The following MACROD2 variants were observed in gnomAD, a reference collection of about 807,000 sequenced individuals.
MACROD2 encodes the protein ADP-ribose glycohydrolase MACROD2.
MACROD2 carries 36 observed loss-of-function variants against 70.4 expected under a neutral mutation model. That is an observed-to-expected ratio of 0.51 (90% CI 0.39 to 0.68). MACROD2 has a LOEUF of 0.68. Among genes scored for constraint, MACROD2 ranks in the 30% least tolerant of loss-of-function variants. The probability of loss-of-function intolerance (pLI) is 0.00; values close to 1 mark genes in which losing one functional copy is unlikely to be tolerated. For missense variants in MACROD2, 496 were observed against 538.4 expected (o/e 0.92, Z 0.78); for synonymous variants, 172 against 178.8 (o/e 0.96, Z 0.30).
intron 8 of MACROD2, among the ~76,000 whole-genome samples, chr20:15,699,886 C>T (rs1352189017): frequency 3.3e-5 from 5 of 152,118 alleles, no homozygotes; most frequent in Non-Finnish European, 7.4e-5. Flanking sequence ...TGGTGCCAGG[C>T]AGGAATGGGC....
chr20:15,747,820 T>C (rs548906943), intron 8 of MACROD2, among the ~76,000 whole-genome samples: 1 of 152,148 alleles, frequency 6.6e-6, no homozygotes, highest in Non-Finnish European at 1.5e-5. Flanking sequence ...TAACTAGTAC[T>C]TCTAGTACAG....
At chr20:15,576,085 A>G in intron 8 of MACROD2, among the ~76,000 whole-genome samples, 1 of 152,098 alleles carries the variant, frequency 6.6e-6, no homozygotes, top group Non-Finnish European at 1.5e-5. Flanking sequence ...AATATTTTAA[A>G]CCTTTCAATT....
chr20:15,950,234 T>A (rs1189266272), intron 12 of MACROD2, among the ~76,000 whole-genome samples: 1 of 152,232 alleles, frequency 6.6e-6, no homozygotes, highest in Non-Finnish European at 1.5e-5. Flanking sequence ...TATTTGAATT[T>A]AAAAATAAAT....
At chr20:15,785,413 C>T (rs986245618) in intron 8 of MACROD2, among the ~76,000 whole-genome samples, 2 of 152,124 alleles carry the variant, frequency 1.3e-5, no homozygotes, top group Admixed American at 6.5e-5. Context: ...TCCCTCTCCC[C>T]CAACAACAAG....
intron 3 of MACROD2, among the ~76,000 whole-genome samples, chr20:14,089,883 A>T (rs1392925806): frequency 1.3e-5 from 2 of 152,214 alleles, no homozygotes; most frequent in African/African-American, 4.8e-5. Flanking sequence ...AGCAGATTTT[A>T]AAAAATAATT....
At chr20:15,929,607 G>T (rs2065543501) in intron 10 of MACROD2, among the ~76,000 whole-genome samples, 1 of 152,170 alleles carries the variant, frequency 6.6e-6, no homozygotes, top group African/African-American at 2.4e-5. Flanking sequence ...GTACACATCA[G>T]ATTGTTTCCC....
intron 5 of MACROD2, among the ~76,000 whole-genome samples, chr20:14,900,972 T>C (rs181101474): frequency 1.3e-5 from 2 of 152,234 alleles, no homozygotes; most frequent in Admixed American, 1.3e-4. Context: ...GAAATACTAA[T>C]GTAAAGTCAA....
chr20:15,276,322 C>G (rs1247100005), intron 6 of MACROD2, among the ~76,000 whole-genome samples: 7 of 150,516 alleles, frequency 4.7e-5, no homozygotes, highest in Non-Finnish European at 8.8e-5. Flanking sequence ...AGGGCGTGAA[C>G]CCGGGAGGCG....
chr20:14,390,009 A>T (rs2083510174), intron 3 of MACROD2, among the ~76,000 whole-genome samples: 1 of 152,238 alleles, frequency 6.6e-6, no homozygotes, highest in Non-Finnish European at 1.5e-5. Flanking sequence ...TCATAGTCTT[A>T]GCCCAAAACT....
Position 15,210,728 on chromosome 20 carries a change from C to T in MACROD2, c.419-19212C>T, listed in dbSNP as rs73260704. Reference sequence around the variant, plus strand: ...TGCTCTTCCTGTGATAGTGAGTTCTCATGAGATCGTTGTTTAAAAGTGTGT... The same window carrying T: ...TGCTCTTCCTGTGATAGTGAGTTCTTATGAGATCGTTGTTTAAAAGTGTGT... On this transcript the variant is annotated intron_variant, in intron 5 of 17. Transcript: ENST00000684519. Among the ~76,000 whole-genome samples the T allele has an allele frequency of 6.9e-3, 1,056 of 152,160 alleles. 15 individuals carry two copies. Among genetic ancestry groups the T allele is most frequent in the African/African-American group, 0.024 (1,000 of 41,486 alleles).
At chr20:16,002,579 A>T (rs2066725208) in intron 15 of MACROD2, among the ~76,000 whole-genome samples, 2 of 152,286 alleles carry the variant, frequency 1.3e-5, no homozygotes, top group African/African-American at 4.8e-5. Flanking sequence ...GGCTTTGAAG[A>T]TGGAGGAAGG....
intron 4 of MACROD2, among the ~76,000 whole-genome samples, chr20:14,562,640 A>T (rs1157568507): frequency 1.3e-5 from 2 of 151,820 alleles, no homozygotes; most frequent in African/African-American, 4.8e-5. Context: ...TATCTATTGG[A>T]TGAATGTCCT....
At chr20:14,608,815 C>T (rs763384172) in intron 4 of MACROD2, among the ~76,000 whole-genome samples, 1 of 151,970 alleles carries the variant, frequency 6.6e-6, no homozygotes, top group Non-Finnish European at 1.5e-5. Context: ...AGGTAGGTAC[C>T]GTTTTAGATA....
intron 5 of MACROD2, among the ~76,000 whole-genome samples, chr20:15,187,414 GATCT>G (rs2076541160): frequency 6.6e-6 from 1 of 152,180 alleles, no homozygotes; most frequent in Admixed American, 6.5e-5. Flanking sequence ...TTGGCTAATA[GATCT>G]ATTATGGATC....
intron 8 of MACROD2, among the ~76,000 whole-genome samples, chr20:15,738,706 G>A (rs1429019055): frequency 6.6e-6 from 1 of 152,120 alleles, no homozygotes; most frequent in Non-Finnish European, 1.5e-5. Flanking sequence ...AGGTGTAGTT[G>A]GGAGCATACA....
intron 3 of MACROD2, chr20:14,327,413 G>A (rs1463121035): frequency 1.2e-6 from 2 of 1,613,650 alleles, no homozygotes; most frequent in Non-Finnish European, 1.7e-6. Flanking sequence ...CACACAGATG[G>A]ACAGGATTTA....
intron 4 of MACROD2, chr20:14,566,881 A>G (rs1358649972): frequency 6.6e-6 from 1 of 152,044 alleles, no homozygotes; most frequent in Non-Finnish European, 1.5e-5. Context: ...AAATTGTTGC[A>G]ATGTCTTTTT....
At chr20:14,734,042 T>C (rs771975627) in intron 5 of MACROD2, among the ~76,000 whole-genome samples, 1 of 152,162 alleles carries the variant, frequency 6.6e-6, no homozygotes, top group Non-Finnish European at 1.5e-5. Flanking sequence ...CTTATATTAC[T>C]GATTTCAAAG....
At chr20:15,842,006 G>A (rs1415870298) in intron 8 of MACROD2, among the ~76,000 whole-genome samples, 1 of 152,038 alleles carries the variant, frequency 6.6e-6, no homozygotes, top group Non-Finnish European at 1.5e-5. Flanking sequence ...GGTGTGTTGG[G>A]CTTGGTTGGA....
Sources: allele counts gnomAD v4.1 joint callset (sites outside exome capture counted in the v4.1 genomes callset), GRCh38; gene constraint gnomAD v4.1.1; transcripts MANE v1.5; gene names NCBI Gene and HGNC (gene_info 2026-07-23, HGNC 2026-07-21).